Variants in GRID1 observed in about 807,000 individuals in gnomAD.
GRID1 encodes the protein glutamate receptor ionotropic, delta-1.
Under a neutral mutation model 98.0 loss-of-function variants are expected in GRID1, and 28 were observed. That is an observed-to-expected ratio of 0.29 (90% CI 0.21 to 0.39). GRID1 has a LOEUF of 0.39. Ranked by LOEUF, GRID1 falls within the 10% of genes least tolerant of loss-of-function variation. GRID1 has a pLI of 1.00. For synonymous variants in GRID1, 553 were observed against 538.5 expected (o/e 1.03, Z -0.37); for missense variants, 1,111 against 1,340.5 (o/e 0.83, Z 2.67).
At chr10:85,744,413 G>A (rs1011882509) in intron 8 of GRID1, among the ~76,000 whole-genome samples, 10 of 151,336 alleles carry the variant, frequency 6.6e-5, no homozygotes, top group Non-Finnish European at 1.3e-4. Flanking sequence ...CAGAAATAAC[G>A]CTGCATATCT....
chr10:85,938,211 A>G (rs1216633493), intron 4 of GRID1, among the ~76,000 whole-genome samples: 1 of 152,154 alleles, frequency 6.6e-6, no homozygotes, highest in Non-Finnish European at 1.5e-5. Flanking sequence ...AGGAAAATCC[A>G]CCTGAATTAA....
At chr10:86,313,276 C>G (rs1056026614) in intron 2 of GRID1, among the ~76,000 whole-genome samples, 4 of 152,362 alleles carry the variant, frequency 2.6e-5, no homozygotes, top group East Asian at 3.9e-4. Flanking sequence ...ATGTGCCAGG[C>G]ACCAGGCCAA....
At chr10:85,731,811 A>G (rs1373058923) in intron 8 of GRID1, among the ~76,000 whole-genome samples, 1 of 135,504 alleles carries the variant, frequency 7.4e-6, no homozygotes, top group Non-Finnish European at 1.6e-5. Flanking sequence ...AAAAAAAAAA[A>G]AAGAAGAAGA....
chr10:86,338,406 A>G (rs1003465869), intron 2 of GRID1, among the ~76,000 whole-genome samples: 2 of 152,172 alleles, frequency 1.3e-5, no homozygotes, highest in Admixed American at 6.5e-5. Context: ...CAGAGCCACA[A>G]AGAGATACTC....
intron 8 of GRID1, among the ~76,000 whole-genome samples, chr10:85,775,709 A>T (rs1470430148): frequency 1.3e-5 from 2 of 152,170 alleles, no homozygotes; most frequent in Non-Finnish European, 2.9e-5. Flanking sequence ...AATCATTTAA[A>T]AATTTTAAAT....
At chr10:86,070,436 G>C (rs978052932) in intron 4 of GRID1, among the ~76,000 whole-genome samples, 4 of 152,180 alleles carry the variant, frequency 2.6e-5, no homozygotes, top group Non-Finnish European at 5.9e-5. Flanking sequence ...CATAAATTAA[G>C]ATTATTATCT....
intron 5 of GRID1, among the ~76,000 whole-genome samples, chr10:85,889,482 G>A (rs1039273880): frequency 2.0e-5 from 3 of 152,074 alleles, no homozygotes; most frequent in African/African-American, 7.2e-5. Flanking sequence ...ATGTCTCCCA[G>A]GTTCATAAAT....
At chr10:85,852,432 G>A (rs1398459877) in intron 8 of GRID1, among the ~76,000 whole-genome samples, 2 of 152,118 alleles carry the variant, frequency 1.3e-5, no homozygotes, top group Non-Finnish European at 2.9e-5. Context: ...CCCTCTCTCA[G>A]GCACCTGAGG....
intron 4 of GRID1, among the ~76,000 whole-genome samples, chr10:86,005,934 T>C (rs117188125): frequency 0.011 from 1,601 of 152,342 alleles, 6 homozygotes; most frequent in Non-Finnish European, 0.016. Flanking sequence ...CCCATACTTA[T>C]CTGTATATTT....
intron 5 of GRID1, among the ~76,000 whole-genome samples, chr10:85,880,809 A>T (rs1012498515): frequency 6.6e-6 from 1 of 152,154 alleles, no homozygotes; most frequent in African/African-American, 2.4e-5. Flanking sequence ...AGGGTATTCA[A>T]TTAGGAAAAG....
At chr10:85,807,511 A>C (rs1367035793) in intron 8 of GRID1, among the ~76,000 whole-genome samples, 1 of 152,204 alleles carries the variant, frequency 6.6e-6, no homozygotes, top group African/African-American at 2.4e-5. Context: ...CAGAAACTAC[A>C]TGAAGAACTC....
rs73330566 is a variant in GRID1 at position 85,825,374 on chromosome 10, G to T, written c.1233+29122C>A. Among the ~76,000 whole-genome samples the T allele has an allele frequency of 6.0e-3, 868 of 144,860 alleles. 7 individuals carry two copies. Among genetic ancestry groups the T allele is most frequent in the African/African-American group, 0.021 (816 of 39,200 alleles). On this transcript the variant is annotated intron_variant, in intron 8 of 15. Transcript: ENST00000327946. ...TATTCATGTCATTTGTCCATTTTCTGATGGGATTGTTTTTTTTTTTCTTGC... is the reference window on the plus strand; with the variant it reads ...TATTCATGTCATTTGTCCATTTTCTTATGGGATTGTTTTTTTTTTTCTTGC...
At chr10:86,347,557 G>A (rs1464136888) in intron 2 of GRID1, among the ~76,000 whole-genome samples, 1 of 152,198 alleles carries the variant, frequency 6.6e-6, no homozygotes, top group Non-Finnish European at 1.5e-5. Context: ...GTGGCCAGGG[G>A]GCTGGGCTCA....
At position 86,316,866 on chromosome 10, in the gene GRID1, A is replaced by G. The variant is rs74885036; in HGVS notation, c.235+47075T>C. ...TGGACAGGCTGGCATTCAGAAGCACATTATTACAAGCTAGTGCTTCTCACC... is the reference window on the plus strand; with the variant it reads ...TGGACAGGCTGGCATTCAGAAGCACGTTATTACAAGCTAGTGCTTCTCACC... On this transcript the variant is annotated intron_variant, in intron 2 of 15. Coordinates refer to ENST00000327946, the MANE Select transcript of GRID1 (RefSeq NM_017551.3). 1.4e-3 allele frequency among the ~76,000 whole-genome samples: 217 copies of G among 152,322 alleles called. 1 individual carries two copies. Among genetic ancestry groups the G allele is most frequent in the East Asian group, 0.013 (67 of 5,172 alleles).
At chr10:85,910,078 T>C (rs958011838) in intron 5 of GRID1, among the ~76,000 whole-genome samples, 1 of 152,168 alleles carries the variant, frequency 6.6e-6, no homozygotes, top group Non-Finnish European at 1.5e-5. Flanking sequence ...TAAGATATGC[T>C]CCCTGTCCTC....
rs189839465 is a variant in GRID1, at chr10:86,269,458, A to G, written c.236-62810T>C. 2.4e-3 allele frequency among the ~76,000 whole-genome samples: 358 copies of G among 152,292 alleles called. 3 individuals carry two copies. The highest frequency in any genetic ancestry group is 3.0e-3 in the Non-Finnish European group (202 of 68,008). On this transcript the variant is annotated intron_variant, in intron 2 of 15. Transcript: ENST00000327946. ...CTCCCTTGCCCCTTCACCCACACAC[A>G]TTCTGAGAGACACCATTTCTGGCTC...
chr10:85,854,731 C>T (rs958608562), intron 7 of GRID1, 116 bp from the exon 8 acceptor site: 5 of 964,896 alleles, frequency 5.2e-6, no homozygotes, highest in Non-Finnish European at 8.0e-6. Flanking sequence ...GTTTTGAGAC[C>T]ATGGACAGGC....
At chr10:85,925,074 C>T (rs541115795) in intron 4 of GRID1, among the ~76,000 whole-genome samples, 27 of 152,296 alleles carry the variant, frequency 1.8e-4, no homozygotes, top group African/African-American at 5.8e-4. Flanking sequence ...CTCACAGGCA[C>T]GATCTGTTTA....
chr10:86,259,920 A>G (rs1425118443), intron 2 of GRID1, among the ~76,000 whole-genome samples: 1 of 152,260 alleles, frequency 6.6e-6, no homozygotes, highest in African/African-American at 2.4e-5. Context: ...CTGGCTCACT[A>G]GGATTTCTCA....
Sources: allele counts gnomAD v4.1 joint callset (sites outside exome capture counted in the v4.1 genomes callset), GRCh38; gene constraint gnomAD v4.1.1; transcripts MANE v1.5; gene names NCBI Gene and HGNC (gene_info 2026-07-23, HGNC 2026-07-21).